Variants in ELL2 observed in about 807,000 individuals in gnomAD.
ELL2 encodes RNA polymerase II elongation factor ELL2.
Under a neutral mutation model 72.8 loss-of-function variants are expected in ELL2, and 21 were observed. The observed-to-expected ratio is 0.29, with a 90% CI of 0.20 to 0.42. The LOEUF is 0.42. ELL2 is among the 10% of genes least tolerant of loss of function. ELL2 has a pLI of 1.00. For synonymous variants in ELL2, 266 were observed against 283.2 expected, an observed-to-expected ratio of 0.94 and a Z score of 0.61; for missense variants, 568 against 772.8, an observed-to-expected ratio of 0.73 and a Z score of 3.14.
At chr5:95,955,194 G>A (rs1213826278) in intron 1 of ELL2, among the ~76,000 whole-genome samples, 1 of 151,980 alleles carries the variant, frequency 6.6e-6, no homozygotes, top group Admixed American at 6.6e-5. Context: ...TAAGACCCAA[G>A]GATTTTAGAC....
rs779726530 is a variant in ELL2, at chr5:95,943,006, T to C, written c.191A>G (p.His64Arg). Reference protein sequence around the residue: ...FRPSIQFQGLHGLVKIPKNDP... With the variant: ...FRPSIQFQGLRGLVKIPKNDP... ...TAAATCAATAAGAGTACTCACCCCG[T>C]GGAGTCCTTGGAACTGGATTGAAGG... is the stretch of plus-strand genomic sequence containing the variant. The change falls in exon 2 of 12, where the codon CAC becomes CGC. Residue 64 changes from histidine (H) to arginine (R), a missense_variant. His to Arg is a conservative substitution (Grantham distance 29, BLOSUM62 0). Coordinates refer to ENST00000237853, the MANE Select transcript of ELL2 (RefSeq NM_012081.6). 2 of 1,594,972 alleles carry C rather than the reference T, an allele frequency of 1.3e-6. No homozygotes were observed. The highest frequency in any genetic ancestry group is 1.7e-6 in the Non-Finnish European group (2 of 1,170,548).
intron 2 of ELL2, among the ~76,000 whole-genome samples, chr5:95,930,280 A>G (rs1349691371): frequency 6.6e-6 from 1 of 152,196 alleles, no homozygotes; most frequent in African/African-American, 2.4e-5. Context: ...GTTCTTTTGC[A>G]TTATGCCAGG....
intron 5 of ELL2, 139 bp downstream of exon 5, chr5:95,906,384 G>T: frequency 1.3e-6 from 1 of 794,526 alleles, no homozygotes; most frequent in Non-Finnish European, 1.8e-6. Flanking sequence ...TTCAGGAGTT[G>T]TATTTCACAT....
At chr5:95,900,307 A>C (rs995644462) in intron 7 of ELL2, 8 of 155,720 alleles carry the variant, frequency 5.1e-5, no homozygotes, top group Non-Finnish European at 1.1e-4. Context: ...ATTTTCCCCA[A>C]AAAATATTCT....
intron 3 of ELL2, among the ~76,000 whole-genome samples, chr5:95,914,246 G>A (rs1027468378): frequency 1.3e-5 from 2 of 151,996 alleles, no homozygotes; most frequent in African/African-American, 2.4e-5. Flanking sequence ...TTATTTAACT[G>A]TTAACTATTT....
intron 1 of ELL2, among the ~76,000 whole-genome samples, chr5:95,961,331 C>G (rs899726452): frequency 2.0e-5 from 3 of 151,856 alleles, no homozygotes; most frequent in Non-Finnish European, 4.4e-5. Context: ...CGCAGCCGAC[C>G]CAGGGCTGCG....
chr5:95,904,837 T>C lies in ELL2; in HGVS notation c.741+1686A>G, dbSNP rs188510476. Among the ~76,000 whole-genome samples the C allele has an allele frequency of 6.6e-5, 10 of 152,302 alleles. No individual in the cohort carries two copies. In the East Asian group the frequency reaches 1.7e-3, roughly 26 times the overall value. The stretch of plus-strand genomic sequence containing the variant: ...TTCAGGAAAGGGAATTTAGGTATAA[T>C]TGGTTTATGTCAAAGTTATGAATAT... On this transcript the variant is annotated intron_variant, in intron 5 of 11. Transcript: ENST00000237853.
At chr5:95,928,474 C>T (rs1461323387) in intron 2 of ELL2, among the ~76,000 whole-genome samples, 1 of 152,118 alleles carries the variant, frequency 6.6e-6, no homozygotes, top group East Asian at 1.9e-4. Flanking sequence ...CTAAATCTTT[C>T]CACCCTCCCA....
chr5:95,910,029 T>C (rs1338281805), intron 4 of ELL2, among the ~76,000 whole-genome samples: 2 of 152,150 alleles, frequency 1.3e-5, no homozygotes, highest in East Asian at 1.9e-4. Flanking sequence ...ACATAATCCA[T>C]TGCAAGGGAA....
chr5:95,940,297 A>G (rs1750924131), intron 2 of ELL2, among the ~76,000 whole-genome samples: 1 of 152,224 alleles, frequency 6.6e-6, no homozygotes, highest in Non-Finnish European at 1.5e-5. Flanking sequence ...ACTCTTTAGC[A>G]GCATATTGCT....
At chr5:95,948,425 G>T (rs1325658439) in intron 1 of ELL2, among the ~76,000 whole-genome samples, 1 of 43,336 alleles carries the variant, frequency 2.3e-5, no homozygotes, top group Non-Finnish European at 3.3e-5. Context: ...GCGAGACTCC[G>T]CCTCAAAAAA....
intron 1 of ELL2, among the ~76,000 whole-genome samples, chr5:95,958,753 G>A (rs1178734337): frequency 6.6e-6 from 1 of 152,184 alleles, no homozygotes; most frequent in Non-Finnish European, 1.5e-5. Context: ...AAGGTAGAGA[G>A]ATCTGGGAAA....
At chr5:95,902,320 C>T (rs1269142932) in intron 5 of ELL2, among the ~76,000 whole-genome samples, 1 of 152,148 alleles carries the variant, frequency 6.6e-6, no homozygotes, top group Non-Finnish European at 1.5e-5. Context: ...TTGAAATTCC[C>T]CAAACCAATA....
chr5:95,901,060 C>A lies in ELL2; in HGVS notation c.762G>T (p.Lys254Asn). The A allele has an allele frequency of 6.2e-7, 1 of 1,607,518 alleles. No homozygotes were observed. Among genetic ancestry groups the A allele is most frequent in the East Asian group, 2.2e-5 (1 of 44,818 alleles). ...ILQQVANLNSKDLSYTLKDYV... is the reference protein window; with the variant it reads ...ILQQVANLNSNDLSYTLKDYV... ...AATCCTTTAAGGTATATGAGAGGTC[C>A]TTAGAATTCAGATTGGCTACCTAGT... The change falls in exon 6 of 12, where the codon AAG becomes AAT. Residue 254 changes from lysine (K) to asparagine (N), a missense_variant. Lys to Asn is a moderately conservative substitution (Grantham distance 94, BLOSUM62 0). This residue lies in a region of ELL2 where 511 missense variants were observed against 728.4 expected (regional missense o/e 0.70). Transcript: ENST00000237853.
intron 2 of ELL2, among the ~76,000 whole-genome samples, chr5:95,927,448 C>G (rs565777192): frequency 1.5e-4 from 5 of 34,410 alleles, no homozygotes; most frequent in African/African-American, 3.8e-4. Flanking sequence ...TGTATATAGA[C>G]ATACACACAC....
intron 2 of ELL2, among the ~76,000 whole-genome samples, chr5:95,921,280 A>G (rs1285055125): frequency 6.6e-6 from 1 of 152,246 alleles, no homozygotes; most frequent in African/African-American, 2.4e-5. Flanking sequence ...TGACTTGTAT[A>G]GAGCTTTAAA....
intron 1 of ELL2, among the ~76,000 whole-genome samples, chr5:95,951,056 A>G (rs1463167352): frequency 6.6e-6 from 1 of 151,342 alleles, no homozygotes; most frequent in Admixed American, 6.6e-5. Context: ...AAAGTTAGTT[A>G]CTGTGAACCA....
rs1749115031 is a variant in ELL2, at chr5:95,900,948, G to T, written c.866+8C>A. On this transcript the variant is annotated splice_region_variant and intron_variant, in intron 6 of 11. Coordinates refer to ENST00000237853, the MANE Select transcript of ELL2 (RefSeq NM_012081.6). ...CATTTTTTTAAAAGCAAGAAAAAAA[G>T]AATTCACCTAGAGAGCACTGACTCC... is the stretch of plus-strand genomic sequence containing the variant. 6.3e-7 allele frequency: 1 copy of T among 1,579,802 alleles called. No homozygotes were observed. The highest frequency in any genetic ancestry group is 8.5e-7 in the Non-Finnish European group (1 of 1,171,548).
intron 2 of ELL2, among the ~76,000 whole-genome samples, chr5:95,937,028 T>C (rs972270095): frequency 1.3e-5 from 2 of 152,214 alleles, no homozygotes; most frequent in South Asian, 2.1e-4. Context: ...ATTTGCTAAG[T>C]GAAGGCAGTA....
Sources: gnomAD v4.1 joint callset for allele counts (sites outside exome capture counted in the v4.1 genomes callset) on GRCh38, gnomAD v4.1.1 for gene constraint, gnomAD v4.1.1 regional missense constraint, MANE v1.5 for transcripts, NCBI Gene and HGNC (gene_info 2026-07-23, HGNC 2026-07-21) for gene names.